ITGA2: variants seen among roughly 807,000 people sequenced by gnomAD.
The protein encoded by ITGA2 is integrin alpha-2.
Under a neutral mutation model 146.3 loss-of-function variants are expected in ITGA2, and 101 were observed. The ratio of observed to expected loss-of-function variants is 0.69; its 90% CI spans 0.59 to 0.81. ITGA2 has a LOEUF of 0.81. Among genes scored for constraint, ITGA2 ranks in the 40% least tolerant of loss-of-function variants. The probability of loss-of-function intolerance (pLI) is 0.00; values close to 1 mark genes in which losing one functional copy is unlikely to be tolerated. For missense variants in ITGA2, 1,281 were observed against 1,402.7 expected, an observed-to-expected ratio of 0.91 and a Z score of 1.39; for synonymous variants, 477 against 487.1, an observed-to-expected ratio of 0.98 and a Z score of 0.27.
At chr5:53,001,382 A>G (rs1397007031) in intron 1 of ITGA2, among the ~76,000 whole-genome samples, 1 of 152,152 alleles carries the variant, frequency 6.6e-6, no homozygotes, top group Non-Finnish European at 1.5e-5. Flanking sequence ...TAGGTTACCC[A>G]GACAATTCAT....
intron 22 of ITGA2, 29 bp downstream of exon 22, chr5:53,075,166 T>G: frequency 6.2e-7 from 1 of 1,603,720 alleles, no homozygotes; most frequent in Admixed American, 1.7e-5. Flanking sequence ...ATGAATGGAA[T>G]GATGGATAGC....
chr5:53,003,946 C>T (rs773030296), intron 1 of ITGA2, among the ~76,000 whole-genome samples: 2 of 152,036 alleles, frequency 1.3e-5, no homozygotes, highest in Non-Finnish European at 2.9e-5. Context: ...CCATGCGAGG[C>T]CCCATTTGTT....
rs3212591 is a variant in ITGA2 at position 53,074,344 on chromosome 5, G to A, written c.2572-41G>A. 0.49 allele frequency: 741,481 copies of A among 1,518,082 alleles called. 182,381 individuals carry two copies. The highest frequency in any genetic ancestry group is 0.54 in the Middle Eastern group (3,132 of 5,854). The allele number at this position is 1,518,082 out of a possible 1,614,324, so 94.0% of individuals were successfully genotyped here. On this transcript the variant is annotated intron_variant, in intron 20 of 29. Transcript: ENST00000296585. ...GTGCGTGCATACACACACAAATGTTGTATGCCAATTGATCATTGTTGTTTC... is the reference window on the plus strand; with the variant it reads ...GTGCGTGCATACACACACAAATGTTATATGCCAATTGATCATTGTTGTTTC...
intron 2 of ITGA2, among the ~76,000 whole-genome samples, chr5:53,031,013 T>C (rs2111835215): frequency 6.6e-6 from 1 of 152,322 alleles, no homozygotes; most frequent in African/African-American, 2.4e-5. Flanking sequence ...GAGTGGGCCA[T>C]GTTAGGACAA....
intron 1 of ITGA2, among the ~76,000 whole-genome samples, chr5:53,012,511 T>C (rs892363791): frequency 1.3e-5 from 2 of 152,170 alleles, no homozygotes; most frequent in Admixed American, 6.5e-5. Flanking sequence ...TTGGTGGGCA[T>C]TTAGGTTGAC....
At chr5:53,020,342 C>T (rs3212418) in intron 1 of ITGA2, among the ~76,000 whole-genome samples, 73,543 of 151,944 alleles carry the variant, frequency 0.48, 18,972 homozygotes, top group Non-Finnish European at 0.58. Flanking sequence ...CATAGAGTTC[C>T]ATGGAATTGA....
intron 13 of ITGA2, among the ~76,000 whole-genome samples, chr5:53,064,592 T>C (rs1004103036): frequency 6.6e-6 from 1 of 151,930 alleles, no homozygotes; most frequent in Non-Finnish European, 1.5e-5. Flanking sequence ...ACCCAGGCTG[T>C]AGTGCACTGG....
chr5:53,041,992 T>C, intron 2 of ITGA2, 120 bp from the exon 3 acceptor site: 1 of 732,286 alleles, frequency 1.4e-6, no homozygotes, highest in Non-Finnish European at 2.5e-6. Flanking sequence ...AAATCATAGC[T>C]GAACAAATAT....
At position 53,038,207 on chromosome 5, in the gene ITGA2, T is replaced by TAAAAA. The variant is rs34975562; in HGVS notation, c.186-3894_186-3890dup. 1.6e-3 allele frequency among the ~76,000 whole-genome samples: 237 copies of TAAAAA among 144,328 alleles called. 1 individual carries two copies. The South Asian group carries it at 0.025, about 15-fold the overall frequency. 94.7% of individuals were successfully genotyped at this position (144,328 alleles called of 152,430 possible). On this transcript the variant is annotated intron_variant, in intron 2 of 29. Transcript: ENST00000296585. The stretch of plus-strand genomic sequence containing the variant: ...GCAGCTTTGCTACCAGAGGCTCTGA[T>TAAAAA]AAAAAAAAAAAAAAACAGTTAAATT...
intron 13 of ITGA2, among the ~76,000 whole-genome samples, chr5:53,063,606 T>C (rs1187477037): frequency 5.9e-5 from 9 of 151,872 alleles, no homozygotes; most frequent in Non-Finnish European, 1.2e-4. Flanking sequence ...CATAGAAAAT[T>C]ATATGCTCCT....
chr5:53,052,856 T>C (rs1308383268), intron 7 of ITGA2, among the ~76,000 whole-genome samples: 1 of 152,190 alleles, frequency 6.6e-6, no homozygotes, highest in African/African-American at 2.4e-5. Context: ...AGGGATTCTA[T>C]CCACTGTCAT....
chr5:53,050,430 C>T (rs1744300259), intron 6 of ITGA2, among the ~76,000 whole-genome samples: 1 of 152,126 alleles, frequency 6.6e-6, no homozygotes, highest in Non-Finnish European at 1.5e-5. Context: ...TTTATTCTTT[C>T]CTCCCTCTCA....
chr5:52,989,536 A>G lies in ITGA2; in HGVS notation c.64+4A>G. ...CTGGTGTTAGCGCTCAGTCAAGGTAAGCGGGGATTTCGCTCTGCATCGGCT... is the reference window on the plus strand; with the variant it reads ...CTGGTGTTAGCGCTCAGTCAAGGTAGGCGGGGATTTCGCTCTGCATCGGCT... On this transcript the variant is annotated splice_donor_region_variant and intron_variant, in intron 1 of 29. Coordinates refer to ENST00000296585, the MANE Select transcript of ITGA2 (RefSeq NM_002203.4). 6.2e-7 allele frequency: 1 copy of G among 1,613,602 alleles called. No homozygotes were observed. The highest frequency in any genetic ancestry group is 8.5e-7 in the Non-Finnish European group (1 of 1,179,820).
At chr5:53,083,306 GCT>G (rs767154995) in intron 26 of ITGA2, 32 bp from the exon 27 acceptor site, 2 of 1,304,960 alleles carry the variant, frequency 1.5e-6, no homozygotes, top group African/African-American at 1.4e-5. Flanking sequence ...TTACTAACTT[GCT>G]CTCTCTTTTA....
intron 8 of ITGA2, 95 bp from the exon 9 acceptor site, chr5:53,055,889 C>G (rs757764625): frequency 3.7e-6 from 5 of 1,343,516 alleles, no homozygotes; most frequent in Non-Finnish European, 5.3e-6. Context: ...ATTTACTTTT[C>G]CAGAGGGAAT....
At chr5:53,003,182 A>G (rs1415976560) in intron 1 of ITGA2, among the ~76,000 whole-genome samples, 2 of 152,164 alleles carry the variant, frequency 1.3e-5, no homozygotes, top group Non-Finnish European at 2.9e-5. Context: ...TATTCCCCAC[A>G]GGCTGATTAC....
intron 2 of ITGA2, among the ~76,000 whole-genome samples, chr5:53,027,649 G>A (rs953578509): frequency 6.6e-6 from 1 of 152,226 alleles, no homozygotes; most frequent in Admixed American, 6.5e-5. Context: ...CACAGGTCCT[G>A]CCATGGGGAC....
chr5:53,051,121 ATAT>A (rs1744338900), intron 6 of ITGA2, among the ~76,000 whole-genome samples: 1 of 152,210 alleles, frequency 6.6e-6, no homozygotes, highest in Admixed American at 6.5e-5. Flanking sequence ...CCATATTAAA[ATAT>A]TATATGGCAG....
intron 17 of ITGA2, among the ~76,000 whole-genome samples, chr5:53,071,673 C>G (rs1383053917): frequency 1.3e-5 from 2 of 151,898 alleles, no homozygotes; most frequent in Non-Finnish European, 2.9e-5. Context: ...AACTGATGAG[C>G]TTAACTAAGA....
Sources: gnomAD v4.1 joint callset for allele counts (sites outside exome capture counted in the v4.1 genomes callset) on GRCh38, gnomAD v4.1.1 for gene constraint, MANE v1.5 for transcripts, NCBI Gene and HGNC (gene_info 2026-07-23, HGNC 2026-07-21) for gene names.